The following RXRA variants were observed in gnomAD, a reference collection of about 807,000 sequenced individuals.
RXRA encodes the protein retinoic acid receptor RXR-alpha.
RXRA carries 5 observed loss-of-function variants against 44.5 expected under a neutral mutation model. The observed-to-expected ratio is 0.11, with a 90% CI of 0.06 to 0.24. The LOEUF (loss-of-function observed/expected upper bound fraction) is 0.24. Ranked by LOEUF, RXRA falls within the 10% of genes least tolerant of loss-of-function variation. The pLI, the probability that RXRA is intolerant of heterozygous loss-of-function variation, is 1.00. For missense variants in RXRA, 412 were observed against 646.5 expected (o/e 0.64, Z 3.93); for synonymous variants, 291 against 271.4 (o/e 1.07, Z -0.71).
At chr9:134,386,446 G>T (rs1308714139) in intron 1 of RXRA, among the ~76,000 whole-genome samples, 1 of 152,240 alleles carries the variant, frequency 6.6e-6, no homozygotes, top group Non-Finnish European at 1.5e-5. Context: ...CCTGTGTCTT[G>T]CCTATGGAGT....
intron 6 of RXRA, chr9:134,424,357 G>T: frequency 2.0e-6 from 2 of 985,414 alleles, no homozygotes; most frequent in Non-Finnish European, 2.4e-6. Context: ...CTTTCCGGGA[G>T]ATCTCTGCGG....
intron 1 of RXRA, among the ~76,000 whole-genome samples, chr9:134,330,733 C>T (rs541798718): frequency 8.5e-5 from 13 of 152,322 alleles, no homozygotes; most frequent in African/African-American, 2.6e-4. Flanking sequence ...CATTGCTGGG[C>T]GGGTGGTCAG....
At chr9:134,360,073 G>T (rs1830330461) in intron 1 of RXRA, among the ~76,000 whole-genome samples, 1 of 152,232 alleles carries the variant, frequency 6.6e-6, no homozygotes, top group African/African-American at 2.4e-5. Flanking sequence ...GGGCCCACCC[G>T]GCACAGATGC....
chr9:134,336,700 G>T (rs1554747356), intron 1 of RXRA, among the ~76,000 whole-genome samples: 1 of 152,222 alleles, frequency 6.6e-6, no homozygotes. Context: ...TGGCTGCGGA[G>T]CCCACAGTGC....
At chr9:134,425,257 G>T (rs998752146) in intron 6 of RXRA, 7 of 985,334 alleles carry the variant, frequency 7.1e-6, no homozygotes, top group Non-Finnish European at 8.4e-6. Flanking sequence ...CCTTCCTTGG[G>T]GTGGGCTGCT....
intron 4 of RXRA, among the ~76,000 whole-genome samples, chr9:134,413,536 G>A (rs1367699224): frequency 6.6e-6 from 1 of 152,188 alleles, no homozygotes; most frequent in Non-Finnish European, 1.5e-5. Context: ...ACCCTTAAGA[G>A]GAGGCCAGAA....
At chr9:134,364,285 G>T (rs1449802119) in intron 1 of RXRA, among the ~76,000 whole-genome samples, 1 of 152,232 alleles carries the variant, frequency 6.6e-6, no homozygotes, top group African/African-American at 2.4e-5. Flanking sequence ...GGGAGGTCTG[G>T]CAAACGCCCA....
At chr9:134,428,447 C>T (rs1195582974) in intron 6 of RXRA, among the ~76,000 whole-genome samples, 3 of 134,604 alleles carry the variant, frequency 2.2e-5, no homozygotes, top group African/African-American at 8.6e-5. Context: ...TGTTGAGGGG[C>T]TGCTGTTACC....
At chr9:134,430,414 T>A (rs996801917) in intron 7 of RXRA, among the ~76,000 whole-genome samples, 2 of 152,314 alleles carry the variant, frequency 1.3e-5, no homozygotes, top group South Asian at 4.1e-4. Flanking sequence ...GTAGAGGCCA[T>A]GCACCGGCAC....
chr9:134,418,748 A>G (rs980165401), intron 5 of RXRA, among the ~76,000 whole-genome samples: 2 of 152,158 alleles, frequency 1.3e-5, no homozygotes, highest in African/African-American at 4.8e-5. Context: ...AGGTGTGTTC[A>G]CAGGGTAAGG....
intron 1 of RXRA, among the ~76,000 whole-genome samples, chr9:134,380,373 G>A (rs1259690377): frequency 6.6e-6 from 1 of 152,078 alleles, no homozygotes; most frequent in African/African-American, 2.4e-5. Flanking sequence ...AGGAGCCAGG[G>A]GCCAGATCAG....
At chr9:134,386,497 G>A (rs1830722652) in intron 1 of RXRA, among the ~76,000 whole-genome samples, 1 of 152,242 alleles carries the variant, frequency 6.6e-6, no homozygotes, top group African/African-American at 2.4e-5. Flanking sequence ...TGGGGGAGAG[G>A]ATCTGGGGAC....
chr9:134,380,208 G>C, intron 1 of RXRA: 1 of 982,118 alleles, frequency 1.0e-6, no homozygotes, highest in Non-Finnish European at 1.2e-6. Context: ...GCCGGAGGTG[G>C]CGTGCCGGCC....
At chr9:134,403,048 TGA>T in intron 2 of RXRA, 1 of 152,184 alleles carries the variant, frequency 6.6e-6, no homozygotes, top group Non-Finnish European at 1.5e-5. Flanking sequence ...GGATTGCATG[TGA>T]GGGGGCCAGG....
intron 9 of RXRA, among the ~76,000 whole-genome samples, chr9:134,434,455 C>G (rs1014355615): frequency 6.6e-6 from 1 of 152,160 alleles, no homozygotes; most frequent in African/African-American, 2.4e-5. Context: ...GTAGGTGCTT[C>G]TCTTTGTTCA....
At chr9:134,348,307 G>A (rs1324093636) in intron 1 of RXRA, among the ~76,000 whole-genome samples, 1 of 152,176 alleles carries the variant, frequency 6.6e-6, no homozygotes, top group Non-Finnish European at 1.5e-5. Flanking sequence ...ACATTTTGGC[G>A]GCAGGACCAG....
intron 2 of RXRA, chr9:134,402,217 C>T: frequency 2.9e-6 from 1 of 342,308 alleles, no homozygotes; most frequent in African/African-American, 2.1e-5. Context: ...CTCCCTCAGG[C>T]CTAAGCCTGC....
chr9:134,328,276 G>T (rs1353071598), intron 1 of RXRA, among the ~76,000 whole-genome samples: 1 of 152,228 alleles, frequency 6.6e-6, no homozygotes, highest in Non-Finnish European at 1.5e-5. Context: ...TTGCACTTCA[G>T]CTGAGTACTG....
At position 134,365,761 on chromosome 9, in the gene RXRA, G is replaced by T. The variant is rs1198096827; in HGVS notation, c.29-35871G>T. On this transcript the variant is annotated intron_variant, in intron 1 of 9. Transcript: ENST00000481739. This position sits in a 1 kb window ranked among gnomAD's most constrained non-coding sequence, Gnocchi z 4.0. The stretch of plus-strand genomic sequence containing the variant: ...GTGGGTCTCGGTGGGGCCAGCTGTC[G>T]GTGGGTGAGGTGCCCCAGGGGAAGG... Among the ~76,000 whole-genome samples, 1 of 148,744 alleles carries T rather than the reference G, an allele frequency of 6.7e-6. No homozygotes were observed. Among genetic ancestry groups the T allele is most frequent in the Non-Finnish European group, 1.5e-5 (1 of 66,960 alleles).
Sources: gnomAD v4.1 joint callset for allele counts (sites outside exome capture counted in the v4.1 genomes callset) on GRCh38, gnomAD v4.1.1 for gene constraint, Gnocchi (gnomAD v3.1) non-coding constraint, MANE v1.5 for transcripts, NCBI Gene and HGNC (gene_info 2026-07-23, HGNC 2026-07-21) for gene names.